Variants in SMAP1 observed in about 807,000 individuals in gnomAD.
SMAP1 encodes stromal membrane-associated protein 1.
A neutral mutation model predicts 58.5 loss-of-function variants in SMAP1; 24 were observed. That is an observed-to-expected ratio of 0.41 (90% CI 0.30 to 0.58). The LOEUF (loss-of-function observed/expected upper bound fraction) is 0.58. Ranked by LOEUF, SMAP1 falls within the 20% of genes least tolerant of loss-of-function variation. SMAP1 has a pLI of 0.29. For missense variants in SMAP1, 563 were observed against 566.3 expected, an observed-to-expected ratio of 0.99 and a Z score of 0.06; for synonymous variants, 216 against 196.6, an observed-to-expected ratio of 1.10 and a Z score of -0.82.
At chr6:70,726,738 G>A (rs942090772) in intron 1 of SMAP1, among the ~76,000 whole-genome samples, 8 of 152,168 alleles carry the variant, frequency 5.3e-5, no homozygotes, top group African/African-American at 1.7e-4. Context: ...GACATGTAAT[G>A]TCTTTTACAC....
At chr6:70,780,284 T>C (rs566281490) in intron 4 of SMAP1, among the ~76,000 whole-genome samples, 1 of 152,280 alleles carries the variant, frequency 6.6e-6, no homozygotes, top group South Asian at 2.1e-4. Context: ...TTGCAGAAAT[T>C]TGTCCTGTTG....
chr6:70,692,761 G>A (rs780751935), intron 1 of SMAP1, among the ~76,000 whole-genome samples: 13 of 151,944 alleles, frequency 8.6e-5, no homozygotes, highest in Admixed American at 2.0e-4. Flanking sequence ...TTTTCTATTC[G>A]ATTCCATTTG....
At chr6:70,682,898 C>T (rs562599310) in intron 1 of SMAP1, among the ~76,000 whole-genome samples, 1 of 152,024 alleles carries the variant, frequency 6.6e-6, no homozygotes, top group South Asian at 2.1e-4. Flanking sequence ...ATTAGCCAGG[C>T]GTGGTGACAC....
chr6:70,751,346 T>C (rs1304414131), intron 2 of SMAP1, among the ~76,000 whole-genome samples: 4 of 152,202 alleles, frequency 2.6e-5, no homozygotes, highest in African/African-American at 9.6e-5. Flanking sequence ...ACATGAATGT[T>C]GAGTTTGTAT....
chr6:70,759,821 G>C (rs917588175), intron 3 of SMAP1: 1 of 429,482 alleles, frequency 2.3e-6, no homozygotes, highest in East Asian at 7.1e-5. Flanking sequence ...CTTGACGTTC[G>C]ACACAGTGAA....
intron 6 of SMAP1, among the ~76,000 whole-genome samples, chr6:70,833,809 T>G (rs544073620): frequency 6.6e-6 from 1 of 152,314 alleles, no homozygotes; most frequent in East Asian, 1.9e-4. Flanking sequence ...AAAGTTTCGT[T>G]GTGGCCCATA....
At chr6:70,681,522 A>C (rs1562089631) in intron 1 of SMAP1, among the ~76,000 whole-genome samples, 1 of 152,186 alleles carries the variant, frequency 6.6e-6, no homozygotes, top group East Asian at 1.9e-4. Flanking sequence ...CAATTCTTTT[A>C]TTTGAATTTT....
intron 1 of SMAP1, among the ~76,000 whole-genome samples, chr6:70,716,080 GC>G (rs1488194822): frequency 1.3e-5 from 2 of 152,120 alleles, no homozygotes; most frequent in Admixed American, 6.6e-5. Context: ...CCTTTCTATG[GC>G]TTAGTTGTAT....
intron 1 of SMAP1, among the ~76,000 whole-genome samples, chr6:70,704,462 C>T (rs1364939393): frequency 6.6e-6 from 1 of 151,772 alleles, no homozygotes; most frequent in African/African-American, 2.4e-5. Context: ...TTTTTCAAGT[C>T]AAATTAAAAT....
intron 1 of SMAP1, among the ~76,000 whole-genome samples, chr6:70,689,782 ATTT>A (rs1767083009): frequency 6.6e-6 from 1 of 151,912 alleles, no homozygotes. Context: ...GGCCTTCCTT[ATTT>A]TTTGTTAGAT....
At chr6:70,702,620 TTTCTTC>T (rs558995384) in intron 1 of SMAP1, among the ~76,000 whole-genome samples, 14 of 151,888 alleles carry the variant, frequency 9.2e-5, no homozygotes, top group African/African-American at 1.2e-4. Context: ...TCAGCCTTTC[TTTCTTC>T]TTCTTCTTCT....
At chr6:70,750,846 C>T (rs890107232) in intron 2 of SMAP1, among the ~76,000 whole-genome samples, 1 of 152,122 alleles carries the variant, frequency 6.6e-6, no homozygotes, top group Non-Finnish European at 1.5e-5. Flanking sequence ...GAAGATGAGT[C>T]AACTAAAAAA....
intron 1 of SMAP1, among the ~76,000 whole-genome samples, chr6:70,710,846 CTAT>C (rs1768028409): frequency 6.6e-6 from 1 of 152,030 alleles, no homozygotes; most frequent in East Asian, 1.9e-4. Context: ...AAGCTTTTGT[CTAT>C]TATTATTATT....
At chr6:70,744,927 T>G (rs1204066652) in intron 2 of SMAP1, among the ~76,000 whole-genome samples, 2 of 152,258 alleles carry the variant, frequency 1.3e-5, no homozygotes, top group Non-Finnish European at 2.9e-5. Context: ...TGACCAGTGA[T>G]AATGAGCATT....
At chr6:70,739,705 C>G (rs1310085733) in intron 2 of SMAP1, among the ~76,000 whole-genome samples, 4 of 152,022 alleles carry the variant, frequency 2.6e-5, no homozygotes, top group Non-Finnish European at 5.9e-5. Context: ...AGTGACTCCT[C>G]TTACCTGTAT....
intron 1 of SMAP1, among the ~76,000 whole-genome samples, chr6:70,720,006 A>T (rs1409839073): frequency 2.6e-5 from 4 of 152,202 alleles, no homozygotes; most frequent in Non-Finnish European, 5.9e-5. Flanking sequence ...ACAGTCCCCC[A>T]GAGTTGTAAC....
chr6:70,671,174 T>C (rs1766247547), intron 1 of SMAP1, among the ~76,000 whole-genome samples: 1 of 124,172 alleles, frequency 8.1e-6, no homozygotes. Context: ...TAATTCTAGC[T>C]TTGATTTTTG....
At chr6:70,705,991 A>G (rs1036331616) in intron 1 of SMAP1, among the ~76,000 whole-genome samples, 2 of 152,174 alleles carry the variant, frequency 1.3e-5, no homozygotes, top group African/African-American at 4.8e-5. Context: ...TGTGTAAGGT[A>G]TGACAGTTTG....
chr6:70,796,078 C>A (rs1310892443), intron 5 of SMAP1, among the ~76,000 whole-genome samples: 1 of 152,070 alleles, frequency 6.6e-6, no homozygotes, highest in Non-Finnish European at 1.5e-5. Context: ...CTTTCTGCAC[C>A]ATAGTTTACT....
Sources: allele counts gnomAD v4.1 joint callset (sites outside exome capture counted in the v4.1 genomes callset), GRCh38; gene constraint gnomAD v4.1.1; transcripts MANE v1.5; gene names NCBI Gene and HGNC (gene_info 2026-07-23, HGNC 2026-07-21).